LRRC8D: variants seen among roughly 807,000 people sequenced by gnomAD.
LRRC8D encodes volume-regulated anion channel subunit LRRC8D.
Under a neutral mutation model 55.8 loss-of-function variants are expected in LRRC8D, and 20 were observed. The ratio of observed to expected loss-of-function variants is 0.36; its 90% confidence interval spans 0.25 to 0.52. LRRC8D has a LOEUF of 0.52. LRRC8D is among the 20% of genes least tolerant of loss of function. The pLI is 0.93. For missense variants in LRRC8D, 651 were observed against 1,030.8 expected (o/e 0.63, Z 5.05); for synonymous variants, 352 against 377.0 (o/e 0.93, Z 0.77).
At chr1:89,848,182 T>C (rs529467106) in intron 2 of LRRC8D, among the ~76,000 whole-genome samples, 1 of 152,324 alleles carries the variant, frequency 6.6e-6, no homozygotes, top group East Asian at 1.9e-4. Context: ...CAGTTAGTCA[T>C]GGATAACTGG....
intron 1 of LRRC8D, among the ~76,000 whole-genome samples, chr1:89,823,119 TA>T (rs1660679940): frequency 6.6e-6 from 1 of 152,228 alleles, no homozygotes; most frequent in South Asian, 2.1e-4. Context: ...GTCTCGTTTT[TA>T]TTGAGAGTGT....
rs56714673 is a variant in LRRC8D at position 89,931,003 on chromosome 1, ATTTTTT to A, written c.-2-2045_-2-2040del. 5.0e-5 allele frequency among the ~76,000 whole-genome samples: 6 copies of A among 120,930 alleles called. No individual in the cohort carries two copies. In the East Asian group the frequency reaches 7.1e-4, roughly 14 times the overall value. The allele number at this position is 120,930 out of a possible 152,430, so 79.3% of individuals were successfully genotyped here. On this transcript the variant is annotated intron_variant, in intron 2 of 2. Coordinates refer to ENST00000337338, the MANE Select transcript of LRRC8D (RefSeq NM_001134479.2). ...TTTTCTTTTTTTCACTTCCTTGGTA[ATTTTTT>A]TTTTTTTTTTTTTTTTTTACAAAGA...
chr1:89,905,815 G>C (rs1662974014), intron 2 of LRRC8D, among the ~76,000 whole-genome samples: 1 of 152,204 alleles, frequency 6.6e-6, no homozygotes, highest in African/African-American at 2.4e-5. Context: ...AGAGGACGAA[G>C]AGGAGGAATT....
At chr1:89,894,081 CCT>C (rs1662646104) in intron 2 of LRRC8D, among the ~76,000 whole-genome samples, 1 of 152,152 alleles carries the variant, frequency 6.6e-6, no homozygotes, top group African/African-American at 2.4e-5. Flanking sequence ...AGGGCTCTGC[CCT>C]CATGGATGGG....
At chr1:89,931,501 C>G (rs1462800157) in intron 2 of LRRC8D, among the ~76,000 whole-genome samples, 1 of 152,144 alleles carries the variant, frequency 6.6e-6, no homozygotes, top group Admixed American at 6.5e-5. Flanking sequence ...TGGCTCACAC[C>G]TGTAATCCCA....
chr1:89,925,942 A>T (rs551736255), intron 2 of LRRC8D, among the ~76,000 whole-genome samples: 3 of 152,352 alleles, frequency 2.0e-5, no homozygotes, highest in Non-Finnish European at 4.4e-5. Flanking sequence ...TACCCGTGAG[A>T]TGTGATATCT....
At chr1:89,931,953 C>G (rs960049629) in intron 2 of LRRC8D, among the ~76,000 whole-genome samples, 2 of 152,096 alleles carry the variant, frequency 1.3e-5, no homozygotes, top group African/African-American at 4.8e-5. Flanking sequence ...CCAAGAACCT[C>G]TCAAGAAATG....
At chr1:89,921,108 A>C (rs1663406392) in intron 2 of LRRC8D, among the ~76,000 whole-genome samples, 4 of 152,234 alleles carry the variant, frequency 2.6e-5, no homozygotes, top group Non-Finnish European at 5.9e-5. Context: ...TCATGCCTGT[A>C]ATCCCAACAC....
intron 2 of LRRC8D, among the ~76,000 whole-genome samples, chr1:89,872,912 A>G (rs1227968044): frequency 6.6e-6 from 1 of 152,242 alleles, no homozygotes; most frequent in Non-Finnish European, 1.5e-5. Flanking sequence ...TGTTTAGGAT[A>G]GGATTAATGT....
intron 2 of LRRC8D, among the ~76,000 whole-genome samples, chr1:89,930,373 T>C (rs1268572745): frequency 1.3e-5 from 2 of 152,224 alleles, no homozygotes; most frequent in East Asian, 3.9e-4. Flanking sequence ...TTTGTATTTT[T>C]AGTAGAGATG....
At chr1:89,892,302 T>G (rs1662597501) in intron 2 of LRRC8D, among the ~76,000 whole-genome samples, 1 of 152,220 alleles carries the variant, frequency 6.6e-6, no homozygotes, top group Non-Finnish European at 1.5e-5. Context: ...TTAGCCTGCC[T>G]TTTCAACCTA....
chr1:89,922,966 G>A (rs1363768694), intron 2 of LRRC8D, among the ~76,000 whole-genome samples: 1 of 152,100 alleles, frequency 6.6e-6, no homozygotes, highest in East Asian at 1.9e-4. Flanking sequence ...CATGTCTTCT[G>A]ATTTTTGAAC....
At chr1:89,847,472 G>A (rs934284404) in intron 2 of LRRC8D, among the ~76,000 whole-genome samples, 9 of 152,034 alleles carry the variant, frequency 5.9e-5, no homozygotes, top group Non-Finnish European at 1.2e-4. Context: ...TCTGTCTGTC[G>A]GTGAGTTGCA....
intron 2 of LRRC8D, among the ~76,000 whole-genome samples, chr1:89,862,735 A>G (rs759759549): frequency 1.3e-5 from 2 of 152,200 alleles, no homozygotes; most frequent in Non-Finnish European, 2.9e-5. Context: ...TCCAGAGCAC[A>G]TGTTCATAAT....
intron 2 of LRRC8D, among the ~76,000 whole-genome samples, chr1:89,851,144 G>A (rs1229538273): frequency 6.6e-6 from 1 of 150,888 alleles, no homozygotes; most frequent in East Asian, 2.0e-4. Flanking sequence ...CATCTGTGTA[G>A]GGCAGTGGTG....
chr1:89,902,661 C>T (rs574385189), intron 2 of LRRC8D, among the ~76,000 whole-genome samples: 6 of 152,050 alleles, frequency 3.9e-5, no homozygotes, highest in Admixed American at 6.5e-5. Flanking sequence ...CTCAGCCTCC[C>T]GAGTAGCTGG....
At chr1:89,867,178 A>C (rs956501827) in intron 2 of LRRC8D, among the ~76,000 whole-genome samples, 1 of 152,190 alleles carries the variant, frequency 6.6e-6, no homozygotes, top group African/African-American at 2.4e-5. Context: ...CATCCTTTTC[A>C]GTCTCACCAG....
intron 2 of LRRC8D, among the ~76,000 whole-genome samples, chr1:89,864,798 C>T (rs554785372): frequency 2.6e-5 from 4 of 152,262 alleles, no homozygotes; most frequent in African/African-American, 9.6e-5. Flanking sequence ...TTTACCTACC[C>T]CCGACCCCTC....
At chr1:89,876,780 AC>A (rs986218735) in intron 2 of LRRC8D, among the ~76,000 whole-genome samples, 1 of 152,228 alleles carries the variant, frequency 6.6e-6, no homozygotes, top group Non-Finnish European at 1.5e-5. Flanking sequence ...AGTAGTTGTT[AC>A]AAAGACTATA....
Sources: gnomAD v4.1 joint callset for allele counts (sites outside exome capture counted in the v4.1 genomes callset) on GRCh38, gnomAD v4.1.1 for gene constraint, MANE v1.5 for transcripts, NCBI Gene and HGNC (gene_info 2026-07-23, HGNC 2026-07-21) for gene names.